The following NLRP5 variants were observed in gnomAD, a reference collection of about 807,000 sequenced individuals.
NLRP5 encodes NLR family pyrin domain containing 5.
NLRP5 carries 93 observed loss-of-function variants against 113.1 expected under a neutral mutation model. That is an observed-to-expected ratio of 0.82 (90% CI 0.70 to 0.98). The LOEUF is 0.98. Ranked by LOEUF, NLRP5 falls within the 50% of genes least tolerant of loss-of-function variation. NLRP5 has a pLI of 0.00. For missense variants in NLRP5, 1,808 were observed against 1,514.3 expected, an observed-to-expected ratio of 1.19 and a Z score of -3.22; for synonymous variants, 751 against 600.7, an observed-to-expected ratio of 1.25 and a Z score of -3.66.
intron 10 of NLRP5, among the ~76,000 whole-genome samples, chr19:56,038,508 G>GGGTTA (rs1262944593): frequency 6.6e-6 from 1 of 152,196 alleles, no homozygotes; most frequent in Non-Finnish European, 1.5e-5. Context: ...CTTGCACTGT[G>GGGTTA]GGTTAGTGAA....
At chr19:56,036,223 C>T (rs775363733) in intron 9 of NLRP5, among the ~76,000 whole-genome samples, 10 of 151,568 alleles carry the variant, frequency 6.6e-5, no homozygotes, top group Non-Finnish European at 1.5e-4. Flanking sequence ...GCCACCACGC[C>T]CGGCTAATTT....
intron 12 of NLRP5, among the ~76,000 whole-genome samples, chr19:56,052,218 T>C (rs996381780): frequency 6.6e-6 from 1 of 151,868 alleles, no homozygotes; most frequent in Non-Finnish European, 1.5e-5. Flanking sequence ...TTTGTGTGTT[T>C]TGTTTGGTTT....
chr19:55,987,999 C>T, the NLRP5 span: 2 of 986,294 alleles, frequency 2.0e-6, no homozygotes, highest in Non-Finnish European at 3.2e-6. Flanking sequence ...ATCCTGTATG[C>T]ATTAACGTAC....
At chr19:56,022,845 C>T (rs557972594) in intron 6 of NLRP5, among the ~76,000 whole-genome samples, 1 of 152,194 alleles carries the variant, frequency 6.6e-6, no homozygotes, top group Non-Finnish European at 1.5e-5. Context: ...CTGCCTCAGC[C>T]TCCCGAGTAG....
At chr19:56,042,339 G>A (rs1452689802) in intron 11 of NLRP5, among the ~76,000 whole-genome samples, 1 of 152,014 alleles carries the variant, frequency 6.6e-6, no homozygotes, top group East Asian at 1.9e-4. Context: ...GGTTACATGA[G>A]TAAGTTCTTT....
At chr19:56,056,977 T>G (rs1568505237) in intron 13 of NLRP5, among the ~76,000 whole-genome samples, 1 of 151,882 alleles carries the variant, frequency 6.6e-6, no homozygotes, top group Non-Finnish European at 1.5e-5. Flanking sequence ...CCGTCTATAC[T>G]AAAAATACAA....
At chr19:56,003,164 T>G (rs1200913312) in intron 1 of NLRP5, among the ~76,000 whole-genome samples, 4 of 152,224 alleles carry the variant, frequency 2.6e-5, no homozygotes, top group Non-Finnish European at 5.9e-5. Flanking sequence ...AGTGGTTTTT[T>G]GTTTTTTGAG....
chr19:56,030,018 G>A (rs893191258), intron 7 of NLRP5, among the ~76,000 whole-genome samples: 1 of 151,404 alleles, frequency 6.6e-6, no homozygotes, highest in African/African-American at 2.4e-5. Flanking sequence ...TCACGCCACT[G>A]CACTCCAGCC....
At chr19:56,043,022 T>C (rs1397748939) in intron 11 of NLRP5, among the ~76,000 whole-genome samples, 1 of 152,188 alleles carries the variant, frequency 6.6e-6, no homozygotes, top group South Asian at 2.1e-4. Flanking sequence ...GGTATTTGGG[T>C]TGGTTCCACG....
At chr19:56,010,742 C>CAAAAAAAAGAAAAAAAAAAAAAAAA (rs1982151889) in intron 3 of NLRP5, among the ~76,000 whole-genome samples, 1 of 41,278 alleles carries the variant, frequency 2.4e-5, no homozygotes, top group Non-Finnish European at 4.3e-5. Context: ...AACTCTGTCT[C>CAAAAAAAAGAAAAAAAAAAAAAAAA]AAAAAAAAAA....
intron 2 of NLRP5, among the ~76,000 whole-genome samples, chr19:56,005,107 A>AAAAAAAAAAAAAAAAATATATATAT (rs1173746273): frequency 3.1e-5 from 3 of 95,344 alleles, no homozygotes; most frequent in African/African-American, 1.2e-4. Context: ...AAAAAAAAAA[A>AAAAAAAAAAAAAAAAATATATATAT]ATATATATAT....
chr19:56,043,588 T>TGGAGTCTC, intron 11 of NLRP5, among the ~76,000 whole-genome samples: 1 of 113,332 alleles, frequency 8.8e-6, no homozygotes, highest in Non-Finnish European at 1.8e-5. Flanking sequence ...TTTTTTGAGA[T>TGGAGTCTC]GGAGTCTCGC....
chr19:55,998,514 A>G (rs1981414203), upstream of NLRP5, among the ~76,000 whole-genome samples: 1 of 151,522 alleles, frequency 6.6e-6, no homozygotes, highest in Non-Finnish European at 1.5e-5. Flanking sequence ...TTAGCCGGGC[A>G]TGGTGACAGG....
Position 56,028,030 on chromosome 19 carries a change from G to T in NLRP5, c.1797G>T (p.Glu599Asp). 1 of 1,614,002 alleles carries T rather than the reference G, an allele frequency of 6.2e-7. No individual in the cohort carries two copies. The highest frequency in any genetic ancestry group is 8.5e-7 in the Non-Finnish European group (1 of 1,179,880). ...GTGCCGCCTTGTACTACGTGTTAGA[G>T]GGCCTGGAAATCGAGCCAGCTCTCT... is the stretch of plus-strand genomic sequence containing the variant. The change falls in exon 7 of 15, where the codon GAG becomes GAT. Residue 599 changes from glutamate (E) to aspartate (D), a missense_variant. Coordinates refer to ENST00000390649, the MANE Select transcript of NLRP5 (RefSeq NM_153447.4).
At chr19:55,999,034 G>T (rs2063994375), upstream of NLRP5, among the ~76,000 whole-genome samples, 1 of 151,520 alleles carries the variant, frequency 6.6e-6, no homozygotes, top group Non-Finnish European at 1.5e-5. Flanking sequence ...CTGTGCAGGG[G>T]ATCCCTAAAA....
intron 11 of NLRP5, among the ~76,000 whole-genome samples, chr19:56,049,190 T>C (rs1983840996): frequency 6.7e-6 from 1 of 148,682 alleles, no homozygotes; most frequent in Admixed American, 6.7e-5. Context: ...ATTTATTTAT[T>C]TATTTAGAGA....
intron 4 of NLRP5, 26 bp downstream of exon 4, chr19:56,015,824 G>T (rs756988619): frequency 4.6e-6 from 7 of 1,523,996 alleles, no homozygotes; most frequent in Middle Eastern, 1.7e-4. Context: ...CTATTCATTT[G>T]TTGCCCTCCT....
the NLRP5 span, among the ~76,000 whole-genome samples, chr19:55,992,410 C>T: frequency 4.6e-5 from 7 of 152,128 alleles, no homozygotes; most frequent in East Asian, 1.9e-4. Context: ...CTGGGTCCAA[C>T]GCTACTGCTT....
chr19:56,059,948 G>A lies in NLRP5; in HGVS notation c.3471-1448G>A, dbSNP rs561109342. ...AAGTTATGGCACATGGGTATAACCA[G>A]GAAGAAGTCAAGAGTGGCTGTGGTA... On this transcript the variant is annotated intron_variant, in intron 14 of 14. Coordinates refer to ENST00000390649, the MANE Select transcript of NLRP5 (RefSeq NM_153447.4). 6.6e-5 allele frequency among the ~76,000 whole-genome samples: 10 copies of A among 152,312 alleles called. No homozygotes were observed. The South Asian group carries it at 1.7e-3, about 25-fold the overall frequency.
Sources: allele counts gnomAD v4.1 joint callset (sites outside exome capture counted in the v4.1 genomes callset), GRCh38; gene constraint gnomAD v4.1.1; transcripts MANE v1.5; gene names NCBI Gene and HGNC (gene_info 2026-07-23, HGNC 2026-07-21).